Variants in STARD13 observed in about 807,000 individuals in gnomAD.
The protein encoded by STARD13 is StAR related lipid transfer domain containing 13, also known as stAR-related lipid transfer protein 13.
A neutral mutation model predicts 106.4 loss-of-function variants in STARD13; 62 were observed. The ratio of observed to expected loss-of-function variants is 0.58; its 90% CI spans 0.48 to 0.72. The LOEUF is 0.72. Ranked by LOEUF, STARD13 falls within the 30% of genes least tolerant of loss-of-function variation. The pLI is 0.00. For synonymous variants in STARD13, 565 were observed against 553.0 expected (o/e 1.02, Z -0.31); for missense variants, 1,387 against 1,424.0 (o/e 0.97, Z 0.42).
chr13:33,573,184 G>C, the STARD13 span, among the ~76,000 whole-genome samples: 1 of 152,118 alleles, frequency 6.6e-6, no homozygotes, highest in South Asian at 2.1e-4. Flanking sequence ...TCTAGATAAT[G>C]CATTTACCTA....
chr13:33,309,899 T>C (rs538567597), intron 1 of STARD13, among the ~76,000 whole-genome samples: 1 of 152,334 alleles, frequency 6.6e-6, no homozygotes, highest in East Asian at 1.9e-4. Context: ...CCTGTTCCTG[T>C]GTGTTTTTCC....
chr13:33,183,215 G>A (rs1269433271), intron 1 of STARD13, among the ~76,000 whole-genome samples: 1 of 152,164 alleles, frequency 6.6e-6, no homozygotes, highest in Non-Finnish European at 1.5e-5. Flanking sequence ...AGCTCTTTGA[G>A]GGCAGAGGTT....
chr13:33,412,384 C>T, the STARD13 span, among the ~76,000 whole-genome samples: 2 of 151,634 alleles, frequency 1.3e-5, no homozygotes, highest in Non-Finnish European at 2.9e-5. Flanking sequence ...GAAATATTTT[C>T]AAGTAACACA....
chr13:33,562,325 G>GCCTA, the STARD13 span, among the ~76,000 whole-genome samples: 1 of 146,452 alleles, frequency 6.8e-6, no homozygotes, highest in East Asian at 2.0e-4. Context: ...CAATCTGGCT[G>GCCTA]CCTACATCTT....
chr13:33,122,027 G>A (rs1178080303), intron 7 of STARD13, among the ~76,000 whole-genome samples: 1 of 152,124 alleles, frequency 6.6e-6, no homozygotes, highest in African/African-American at 2.4e-5. Context: ...TGTATTTTTA[G>A]TAGTGACAGG....
the STARD13 span, among the ~76,000 whole-genome samples, chr13:33,456,416 C>T: frequency 1.3e-5 from 2 of 152,284 alleles, no homozygotes; most frequent in African/African-American, 2.4e-5. Flanking sequence ...TCTCGAACTC[C>T]TGGCCTCAAG....
chr13:33,242,977 C>A (rs1044611920), intron 1 of STARD13, among the ~76,000 whole-genome samples: 2 of 152,132 alleles, frequency 1.3e-5, no homozygotes, highest in African/African-American at 2.4e-5. Flanking sequence ...CAGTCTTTTC[C>A]AAACTGCTGG....
chr13:33,134,331 T>A (rs922382962), intron 4 of STARD13, among the ~76,000 whole-genome samples: 1 of 152,234 alleles, frequency 6.6e-6, no homozygotes, highest in Non-Finnish European at 1.5e-5. Context: ...TTTATGAATT[T>A]GTGTTGGGGC....
At chr13:33,110,422 C>T (rs1275640357) in intron 11 of STARD13, among the ~76,000 whole-genome samples, 2 of 152,150 alleles carry the variant, frequency 1.3e-5, no homozygotes, top group Non-Finnish European at 2.9e-5. Flanking sequence ...AAAACTGAGG[C>T]ACAGAGAGGT....
chr13:33,262,394 G>A (rs1890683448), intron 1 of STARD13, among the ~76,000 whole-genome samples: 1 of 152,170 alleles, frequency 6.6e-6, no homozygotes, highest in South Asian at 2.1e-4. Flanking sequence ...CACAGAGGTG[G>A]CAGCCCTGTG....
the STARD13 span, among the ~76,000 whole-genome samples, chr13:33,571,481 G>A: frequency 6.6e-6 from 1 of 152,026 alleles, no homozygotes; most frequent in African/African-American, 2.4e-5. Flanking sequence ...CTATATATTA[G>A]TTACATAACT....
chr13:33,393,711 G>GT, the STARD13 span, among the ~76,000 whole-genome samples: 1 of 152,104 alleles, frequency 6.6e-6, no homozygotes, highest in Non-Finnish European at 1.5e-5. Flanking sequence ...TAAGCTAAAG[G>GT]TTTCATATAA....
the STARD13 span, among the ~76,000 whole-genome samples, chr13:33,644,944 A>G: frequency 6.6e-6 from 1 of 152,212 alleles, no homozygotes; most frequent in East Asian, 1.9e-4. Flanking sequence ...ATAGTAAGCT[A>G]AAACACATGG....
At chr13:33,224,475 T>C (rs1888518548) in intron 1 of STARD13, among the ~76,000 whole-genome samples, 1 of 152,182 alleles carries the variant, frequency 6.6e-6, no homozygotes, top group Non-Finnish European at 1.5e-5. Flanking sequence ...GCTCAGCCCA[T>C]ATTACTCCCT....
rs200736400 is a variant in STARD13 at position 33,167,455 on chromosome 13, G to GA, written c.241+95dup. On this transcript the variant is annotated intron_variant, in intron 2 of 13. Transcript: ENST00000336934. ...AAAGAAAGCGAAGCAAAATGGGCGA[G>GA]AAAAAAAAATCTGGAAGTCAAAACA... 3,175 of 1,287,794 alleles carry GA rather than the reference G, an allele frequency of 2.5e-3. 19 individuals carry two copies. The African/African-American group carries it at 0.026, about 11-fold the overall frequency. The allele number at this position is 1,287,794 out of a possible 1,614,324, so 79.8% of individuals were successfully genotyped here.
At chr13:33,144,905 C>T (rs2858808) in intron 3 of STARD13, among the ~76,000 whole-genome samples, 111,552 of 152,172 alleles carry the variant, frequency 0.73, 41,104 homozygotes, top group East Asian at 0.8. Flanking sequence ...ATCTACGACA[C>T]ACACACAAGA....
chr13:33,409,117 C>G, the STARD13 span, among the ~76,000 whole-genome samples: 4 of 151,914 alleles, frequency 2.6e-5, no homozygotes, highest in Non-Finnish European at 5.9e-5. Flanking sequence ...TCTATGAAGT[C>G]AAGACTTTGT....
the STARD13 span, among the ~76,000 whole-genome samples, chr13:33,451,250 GAC>G: frequency 6.6e-6 from 1 of 152,192 alleles, no homozygotes; most frequent in Non-Finnish European, 1.5e-5. Context: ...GGGTTTAAGA[GAC>G]AGACGTGGGC....
chr13:33,243,530 C>G (rs887491986), intron 1 of STARD13, among the ~76,000 whole-genome samples: 1 of 152,074 alleles, frequency 6.6e-6, no homozygotes, highest in African/African-American at 2.4e-5. Context: ...TAGGGATTTT[C>G]AAGTATGGAA....
Sources: gnomAD v4.1 joint callset for allele counts (sites outside exome capture counted in the v4.1 genomes callset) on GRCh38, gnomAD v4.1.1 for gene constraint, MANE v1.5 for transcripts, NCBI Gene and HGNC (gene_info 2026-07-23, HGNC 2026-07-21) for gene names.